Variants in ACVR2A observed in about 807,000 individuals in gnomAD.
The protein encoded by ACVR2A is activin A receptor type 2A.
In ACVR2A, 7 loss-of-function variants were observed where a neutral mutation model predicts 61.4. The ratio of observed to expected loss-of-function variants is 0.11; its 90% CI spans 0.06 to 0.21. ACVR2A has a LOEUF of 0.21. ACVR2A is among the 10% of genes least tolerant of loss of function. The pLI, the probability that ACVR2A is intolerant of heterozygous loss-of-function variation, is 1.00. For synonymous variants in ACVR2A, 193 were observed against 208.3 expected, an observed-to-expected ratio of 0.93 and a Z score of 0.63; for missense variants, 322 against 621.7, an observed-to-expected ratio of 0.52 and a Z score of 5.13.
At chr2:147,919,523 T>G (rs1346257080) in intron 7 of ACVR2A, among the ~76,000 whole-genome samples, 2 of 152,150 alleles carry the variant, frequency 1.3e-5, no homozygotes, top group Non-Finnish European at 2.9e-5. Context: ...CAGTATCCCA[T>G]TATTGGTCTA....
At chr2:147,902,419 A>G (rs1686891148) in intron 4 of ACVR2A, among the ~76,000 whole-genome samples, 1 of 151,998 alleles carries the variant, frequency 6.6e-6, no homozygotes, top group South Asian at 2.1e-4. Flanking sequence ...ATAATTCAGT[A>G]AACTTTTCTG....
At chr2:147,921,489 TA>T (rs2105220056) in intron 8 of ACVR2A, among the ~76,000 whole-genome samples, 1 of 152,310 alleles carries the variant, frequency 6.6e-6, no homozygotes, top group Admixed American at 6.5e-5. Context: ...TTCCCCAGCA[TA>T]TCCTATTGGT....
intron 4 of ACVR2A, among the ~76,000 whole-genome samples, chr2:147,910,066 T>C (rs1442693143): frequency 6.6e-6 from 1 of 152,198 alleles, no homozygotes; most frequent in Non-Finnish European, 1.5e-5. Context: ...AGCAAACATA[T>C]GTGGTTATTT....
chr2:147,926,238 T>G (rs1261860351), intron 10 of ACVR2A, 77 bp downstream of exon 10: 47 of 1,510,030 alleles, frequency 3.1e-5, no homozygotes, highest in Non-Finnish European at 3.3e-5. Flanking sequence ...TCTGCACATT[T>G]CTCTTTCTTC....
At chr2:147,872,843 TA>T (rs1042352077) in intron 1 of ACVR2A, among the ~76,000 whole-genome samples, 1 of 151,834 alleles carries the variant, frequency 6.6e-6, no homozygotes, top group African/African-American at 2.4e-5. Context: ...ACATTTTAAG[TA>T]CACAGGAGAG....
At chr2:147,911,393 C>T (rs545825135) in intron 4 of ACVR2A, among the ~76,000 whole-genome samples, 3 of 152,148 alleles carry the variant, frequency 2.0e-5, no homozygotes, top group East Asian at 3.9e-4. Flanking sequence ...TTTATTTAAA[C>T]AATGTAAAAC....
At chr2:147,892,576 A>G (rs1006626128) in intron 1 of ACVR2A, among the ~76,000 whole-genome samples, 1 of 151,532 alleles carries the variant, frequency 6.6e-6, no homozygotes, top group Non-Finnish European at 1.5e-5. Flanking sequence ...CTTATTTAAA[A>G]TAGCAATAAT....
intron 4 of ACVR2A, among the ~76,000 whole-genome samples, chr2:147,910,146 A>T (rs1687080298): frequency 6.6e-6 from 1 of 151,776 alleles, no homozygotes; most frequent in South Asian, 2.1e-4. Flanking sequence ...TTTGTTGCAT[A>T]GTTGATATTT....
chr2:147,878,646 T>A (rs1686218506), intron 1 of ACVR2A, among the ~76,000 whole-genome samples: 1 of 152,122 alleles, frequency 6.6e-6, no homozygotes, highest in Non-Finnish European at 1.5e-5. Context: ...TGGTGGCTCA[T>A]GCCTGTAATT....
intron 1 of ACVR2A, among the ~76,000 whole-genome samples, chr2:147,862,534 A>G (rs940116150): frequency 4.6e-5 from 7 of 152,142 alleles, no homozygotes; most frequent in African/African-American, 1.7e-4. Flanking sequence ...ACCTGAAGTC[A>G]GGAGTTTGAG....
intron 1 of ACVR2A, among the ~76,000 whole-genome samples, chr2:147,893,824 G>C (rs1488891581): frequency 1.3e-5 from 2 of 152,038 alleles, no homozygotes; most frequent in Non-Finnish European, 2.9e-5. Context: ...TCCAGTCTGT[G>C]ACTTTTTTCA....
At chr2:147,847,393 T>C (rs1685337598) in intron 1 of ACVR2A, among the ~76,000 whole-genome samples, 1 of 152,190 alleles carries the variant, frequency 6.6e-6, no homozygotes, top group South Asian at 2.1e-4. Context: ...CTCCAACTAA[T>C]TGATTTTTCT....
intron 1 of ACVR2A, among the ~76,000 whole-genome samples, chr2:147,896,034 C>T (rs1686724790): frequency 6.6e-6 from 1 of 152,150 alleles, no homozygotes; most frequent in Non-Finnish European, 1.5e-5. Flanking sequence ...TTAACAATTT[C>T]TGTGGCTTTT....
intron 4 of ACVR2A, among the ~76,000 whole-genome samples, chr2:147,910,240 A>G (rs1303288878): frequency 6.6e-6 from 1 of 152,094 alleles, no homozygotes; most frequent in East Asian, 1.9e-4. Flanking sequence ...GGGCAGAGAC[A>G]TACTTTTTGG....
chr2:147,930,347 GTTTTTTTGTT>G lies in ACVR2A; in HGVS notation c.*3081_*3090del, dbSNP rs200762261. The G allele has an allele frequency of 4.2e-3, 510 of 121,932 alleles. No individual in the cohort carries two copies. Among genetic ancestry groups the G allele is most frequent in the East Asian group, 0.01 (41 of 3,966 alleles). 7.6% of individuals were successfully genotyped at this position (121,932 alleles called of 1,614,324 possible). On this transcript the variant is annotated 3_prime_UTR_variant, in exon 11 of 11. Coordinates refer to ENST00000241416, the MANE Select transcript of ACVR2A (RefSeq NM_001616.5). The stretch of plus-strand genomic sequence containing the variant: ...GTTTAGTGGAATAAACTGATTACTG[GTTTTTTTGTT>G]TTTTTTTTTTTTTTTAAAGAAAGAA...
intron 4 of ACVR2A, among the ~76,000 whole-genome samples, chr2:147,908,517 C>A (rs990826003): frequency 4.6e-5 from 7 of 152,184 alleles, no homozygotes; most frequent in Non-Finnish European, 8.8e-5. Context: ...TGGCTGGAAT[C>A]ATTGCTGTGC....
intron 4 of ACVR2A, among the ~76,000 whole-genome samples, chr2:147,910,885 C>G (rs960941876): frequency 2.6e-5 from 4 of 152,088 alleles, no homozygotes; most frequent in Non-Finnish European, 4.4e-5. Context: ...TTACTTAATT[C>G]TGATGATCTT....
intron 4 of ACVR2A, among the ~76,000 whole-genome samples, chr2:147,911,730 T>C (rs1157069098): frequency 6.6e-6 from 1 of 152,024 alleles, no homozygotes; most frequent in African/African-American, 2.4e-5. Context: ...AATTAAAATG[T>C]GATTGATTTG....
At chr2:147,870,010 TTGGAAAGG>T (rs1324814550) in intron 1 of ACVR2A, among the ~76,000 whole-genome samples, 1 of 149,412 alleles carries the variant, frequency 6.7e-6, no homozygotes, top group Non-Finnish European at 1.5e-5. Context: ...AGTAAAAGAG[TTGGAAAGG>T]TGTTTGGGGC....
Sources: gnomAD v4.1 joint callset for allele counts (sites outside exome capture counted in the v4.1 genomes callset) on GRCh38, gnomAD v4.1.1 for gene constraint, MANE v1.5 for transcripts, NCBI Gene and HGNC (gene_info 2026-07-23, HGNC 2026-07-21) for gene names.